The following BLK variants were observed in gnomAD, a reference collection of about 807,000 sequenced individuals.
The protein encoded by BLK is tyrosine-protein kinase Blk.
Under a neutral mutation model 61.8 loss-of-function variants are expected in BLK, and 64 were observed. That is an observed-to-expected ratio of 1.03 (90% CI 0.85 to 1.27). The LOEUF is 1.27. Ranked by LOEUF, BLK falls within the 50% of genes most tolerant of loss-of-function variation. The probability of loss-of-function intolerance (pLI) is 0.00; values close to 1 mark genes in which losing one functional copy is unlikely to be tolerated. For missense variants in BLK, 853 were observed against 660.5 expected (o/e 1.29, Z -3.19); for synonymous variants, 351 against 272.0 (o/e 1.29, Z -2.86).
intron 1 of BLK, chr8:11,509,583 T>C (rs2409782): frequency 0.24 from 36,635 of 151,992 alleles, 4,714 homozygotes; most frequent in African/African-American, 0.27. Context: ...TGTCTAAGCC[T>C]GGGGGTGCTC....
chr8:11,527,433 T>C (rs1799702021), intron 1 of BLK, among the ~76,000 whole-genome samples: 1 of 152,176 alleles, frequency 6.6e-6, no homozygotes, highest in Admixed American at 6.5e-5. Flanking sequence ...ACTGATCTAC[T>C]TTCTAGAACC....
At chr8:11,558,119 A>C in intron 10 of BLK, 81 bp downstream of exon 10, 2 of 1,386,416 alleles carry the variant, frequency 1.4e-6, no homozygotes, top group Non-Finnish European at 1.0e-6. Context: ...TTACCACCCC[A>C]TCCTCTCAGC....
chr8:11,506,582 A>C (rs144362228), intron 1 of BLK, among the ~76,000 whole-genome samples: 131 of 152,316 alleles, frequency 8.6e-4, no homozygotes, highest in Middle Eastern at 3.4e-3. Context: ...TAATAGCTAC[A>C]TCTCTGTTGG....
chr8:11,535,198 GGAAA>G (rs145738265), intron 1 of BLK, among the ~76,000 whole-genome samples: 8 of 79,210 alleles, frequency 1.0e-4, no homozygotes, highest in Non-Finnish European at 1.7e-4. Flanking sequence ...AAAGAAAGAA[GGAAA>G]GAAAGAAAGA....
chr8:11,540,857 GAA>G lies in BLK; in HGVS notation c.-1-2354_-1-2353del, dbSNP rs5889375. ...TGTTATGAAACCACTCAAGAAGATA[GAA>G]AAAAAAAAAAAAGAGAGCTCCTCAA... On this transcript the variant is annotated intron_variant, in intron 1 of 12. Transcript: ENST00000259089. 3.9e-3 allele frequency among the ~76,000 whole-genome samples: 563 copies of G among 143,836 alleles called. 1 individual carries two copies. The highest frequency in any genetic ancestry group is 0.01 in the African/African-American group (409 of 39,312). The allele number at this position is 143,836 out of a possible 152,430, so 94.4% of individuals were successfully genotyped here.
intron 1 of BLK, among the ~76,000 whole-genome samples, chr8:11,531,970 T>C (rs1004778802): frequency 2.0e-5 from 3 of 152,126 alleles, no homozygotes; most frequent in Admixed American, 2.0e-4. Context: ...GTGATTCTTC[T>C]GCATCAGCCT....
intron 3 of BLK, 117 bp from the exon 4 acceptor site, chr8:11,547,915 C>T (rs1001653672): frequency 4.8e-5 from 44 of 911,224 alleles, no homozygotes; most frequent in African/African-American, 1.1e-4. Flanking sequence ...TGGGTGAGAA[C>T]ATCATTTCCA....
At chr8:11,513,722 AAATAGTT>A (rs2117297507) in intron 1 of BLK, among the ~76,000 whole-genome samples, 1 of 152,342 alleles carries the variant, frequency 6.6e-6, no homozygotes, top group Non-Finnish European at 1.5e-5. Context: ...AGTGCCTTCT[AAATAGTT>A]AGCCAGAGTT....
At chr8:11,504,891 C>T (rs1392461790) in intron 1 of BLK, among the ~76,000 whole-genome samples, 1 of 152,162 alleles carries the variant, frequency 6.6e-6, no homozygotes, top group Non-Finnish European at 1.5e-5. Flanking sequence ...ATCTCTGTGG[C>T]CATGTTTCAG....
At chr8:11,560,702 C>G (rs1163326520) in intron 10 of BLK, 3 of 375,178 alleles carry the variant, frequency 8.0e-6, no homozygotes, top group African/African-American at 6.3e-5. Flanking sequence ...TGCCAGTGCT[C>G]CCTGGGTGCC....
chr8:11,518,564 C>A (rs914387251), intron 1 of BLK, among the ~76,000 whole-genome samples: 1 of 152,014 alleles, frequency 6.6e-6, no homozygotes, highest in Non-Finnish European at 1.5e-5. Context: ...CTAACAATGC[C>A]CTAGCTCTGC....
chr8:11,545,037 C>A (rs1278643984), intron 2 of BLK, among the ~76,000 whole-genome samples: 1 of 152,128 alleles, frequency 6.6e-6, no homozygotes, highest in Non-Finnish European at 1.5e-5. Context: ...TATGTATTAC[C>A]CCTAAACGAT....
intron 1 of BLK, among the ~76,000 whole-genome samples, chr8:11,529,549 G>T (rs531955686): frequency 6.6e-6 from 1 of 152,136 alleles, no homozygotes. Context: ...GCAGTTTGGG[G>T]GGTGGGAGAT....
intron 10 of BLK, chr8:11,558,478 T>C: frequency 2.8e-6 from 1 of 363,558 alleles, no homozygotes; most frequent in South Asian, 2.1e-5. Context: ...CCTCAGCCTT[T>C]GCACAGCCCT....
At chr8:11,497,935 C>T (rs1302264180) in intron 1 of BLK, among the ~76,000 whole-genome samples, 2 of 152,204 alleles carry the variant, frequency 1.3e-5, no homozygotes, top group South Asian at 2.1e-4. Context: ...CAGTTGCACC[C>T]ACTCTCAAGC....
chr8:11,559,853 G>C (rs1801409757), intron 10 of BLK: 1 of 456,064 alleles, frequency 2.2e-6, no homozygotes, highest in African/African-American at 2.0e-5. Context: ...CCCTGGACAA[G>C]AAACTGCCAG....
chr8:11,543,993 C>T (rs1335440702), intron 2 of BLK, among the ~76,000 whole-genome samples: 6 of 149,564 alleles, frequency 4.0e-5, no homozygotes, highest in African/African-American at 9.8e-5. Context: ...GACAGAGTCT[C>T]GCTCTGCTGC....
At chr8:11,497,394 C>G (rs1006856679) in intron 1 of BLK, among the ~76,000 whole-genome samples, 1 of 152,156 alleles carries the variant, frequency 6.6e-6, no homozygotes, top group Admixed American at 6.5e-5. Flanking sequence ...AGGCAACTTG[C>G]ATTTGCTCTG....
At chr8:11,518,634 G>T (rs904367105) in intron 1 of BLK, among the ~76,000 whole-genome samples, 42 of 151,854 alleles carry the variant, frequency 2.8e-4, no homozygotes, top group African/African-American at 9.9e-4. Flanking sequence ...TGCTTCACCC[G>T]CACCCCACAA....
Sources: gnomAD v4.1 joint callset for allele counts (sites outside exome capture counted in the v4.1 genomes callset) on GRCh38, gnomAD v4.1.1 for gene constraint, MANE v1.5 for transcripts, NCBI Gene and HGNC (gene_info 2026-07-23, HGNC 2026-07-21) for gene names.